Variants in CD109 observed in about 807,000 individuals in gnomAD.
The protein encoded by CD109 is CD109 antigen.
In CD109, 149 loss-of-function variants were observed where a neutral mutation model predicts 165.8. The ratio of observed to expected loss-of-function variants is 0.90; its 90% CI spans 0.79 to 1.03. The LOEUF (loss-of-function observed/expected upper bound fraction) is 1.03, where lower values mean the gene tolerates loss of function less well. CD109 is among the 50% of genes least tolerant of loss of function. CD109 has a pLI of 0.00. For missense variants in CD109, 1,712 were observed against 1,677.8 expected (o/e 1.02, Z -0.36); for synonymous variants, 585 against 592.1 (o/e 0.99, Z 0.18).
rs770058226 is a variant in CD109, at chr6:73,736,519, A to G, written c.633+11A>G. On this transcript the variant is annotated intron_variant, in intron 5 of 32. Transcript: ENST00000287097. ...CAAGTTCAAGTGAATGTGAGTATAA[A>G]TATATTTTTTGGGGGGAATGTTAAA... The G allele has an allele frequency of 6.2e-7, 1 of 1,603,832 alleles. No homozygotes were observed. Among genetic ancestry groups the G allele is most frequent in the Non-Finnish European group, 8.5e-7 (1 of 1,175,940 alleles).
intron 7 of CD109, among the ~76,000 whole-genome samples, chr6:73,759,877 T>A (rs925164771): frequency 3.3e-5 from 5 of 152,106 alleles, no homozygotes; most frequent in African/African-American, 1.2e-4. Context: ...TTTGGAAGTG[T>A]GGTGCATTTG....
At chr6:73,774,387 C>A (rs1562060125) in intron 15 of CD109, among the ~76,000 whole-genome samples, 1 of 152,164 alleles carries the variant, frequency 6.6e-6, no homozygotes. Flanking sequence ...TTGATCCTTT[C>A]TGCTGCTTGC....
intron 24 of CD109, among the ~76,000 whole-genome samples, chr6:73,806,426 G>A (rs1430751056): frequency 6.6e-6 from 1 of 152,110 alleles, no homozygotes; most frequent in Non-Finnish European, 1.5e-5. Context: ...ACGCGTTAAT[G>A]GGTGCAGCAC....
At chr6:73,743,245 C>G (rs1772858731) in intron 5 of CD109, among the ~76,000 whole-genome samples, 1 of 152,162 alleles carries the variant, frequency 6.6e-6, no homozygotes, top group Non-Finnish European at 1.5e-5. Context: ...ACTTGATAAT[C>G]ATCTTTTCTA....
At chr6:73,775,752 A>T (rs959831400) in intron 15 of CD109, among the ~76,000 whole-genome samples, 2 of 152,102 alleles carry the variant, frequency 1.3e-5, no homozygotes, top group African/African-American at 4.8e-5. Flanking sequence ...ACTCCCACTT[A>T]TAAGTGAGAA....
At chr6:73,779,733 A>G (rs148610551) in intron 15 of CD109, among the ~76,000 whole-genome samples, 2,029 of 152,036 alleles carry the variant, frequency 0.013, 24 homozygotes, top group Middle Eastern at 0.085. Flanking sequence ...CCTTTTGTGT[A>G]TATACCTAGG....
chr6:73,778,660 T>A (rs1328961617), intron 15 of CD109, among the ~76,000 whole-genome samples: 1 of 152,092 alleles, frequency 6.6e-6, no homozygotes, highest in African/African-American at 2.4e-5. Flanking sequence ...ACATTATGAA[T>A]TTTTTTTCTT....
chr6:73,684,345 A>G, the CD109 span, among the ~76,000 whole-genome samples: 1 of 151,034 alleles, frequency 6.6e-6, no homozygotes, highest in Non-Finnish European at 1.5e-5. Context: ...TCAATCTCCC[A>G]AGTAGCTGGG....
intron 2 of CD109, among the ~76,000 whole-genome samples, chr6:73,705,820 C>T (rs1013234997): frequency 2.0e-5 from 3 of 152,068 alleles, no homozygotes; most frequent in Non-Finnish European, 4.4e-5. Context: ...AAGTAAATGG[C>T]TTTAAGTTGA....
In CD109 at chr6:73,699,175, A is replaced by C. The variant is rs139913501; in HGVS notation, c.247+1603A>C. Among the ~76,000 whole-genome samples, 293 of 152,296 alleles carry C rather than the reference A, an allele frequency of 1.9e-3. 3 individuals carry two copies. The highest frequency in any genetic ancestry group is 6.7e-3 in the African/African-American group (279 of 41,554). On this transcript the variant is annotated intron_variant, in intron 2 of 32. Coordinates refer to ENST00000287097, the MANE Select transcript of CD109 (RefSeq NM_133493.5). ...ATTAAATCACAGGACATAATACTTA[A>C]GGTAGTTCCACATTCATTATTTATT...
At chr6:73,751,627 C>A (rs1773191821) in intron 5 of CD109, among the ~76,000 whole-genome samples, 2 of 152,060 alleles carry the variant, frequency 1.3e-5, no homozygotes, top group Non-Finnish European at 2.9e-5. Flanking sequence ...AATATTATAC[C>A]CTTTAGAGTT....
chr6:73,721,792 A>G (rs12665364), intron 2 of CD109, among the ~76,000 whole-genome samples: 8,401 of 152,152 alleles, frequency 0.055, 254 homozygotes, highest in Middle Eastern at 0.1. Flanking sequence ...GCTGTAGTGC[A>G]GTGATGTGAT....
intron 15 of CD109, among the ~76,000 whole-genome samples, chr6:73,779,385 A>T (rs1774385120): frequency 6.6e-6 from 1 of 151,504 alleles, no homozygotes; most frequent in South Asian, 2.1e-4. Flanking sequence ...AGTAGTTGGG[A>T]CTACAGGCGC....
At position 73,815,012 on chromosome 6, in the gene CD109, G is replaced by C; in HGVS notation, c.3800G>C (p.Gly1267Ala). 6.3e-7 allele frequency: 1 copy of C among 1,574,908 alleles called. No individual in the cohort carries two copies. The highest frequency in any genetic ancestry group is 2.3e-5 in the East Asian group (1 of 42,994). Residue 1267 changes from glycine to alanine, a missense_variant, in exon 30 of 33, where the codon GGG becomes GCG. Physicochemically the swap from Gly to Ala is moderately conservative, Grantham distance 60. Transcript: ENST00000287097. ...GTTGTATATAATGTGAAGGCTTCTG[G>C]GTCTTCTAGAAGACGAAGATCTATC... ...LNVVYNVKAS[G>A]SSRRRRSIQN...
At chr6:73,800,018 AT>A (rs376074654) in intron 23 of CD109, among the ~76,000 whole-genome samples, 10 of 148,920 alleles carry the variant, frequency 6.7e-5, no homozygotes, top group Non-Finnish European at 9.0e-5. Context: ...CACCATGCTA[AT>A]TTTTTTTTTG....
chr6:73,820,691 G>T, intron 32 of CD109, 128 bp downstream of exon 32: 1 of 520,660 alleles, frequency 1.9e-6, no homozygotes, highest in Non-Finnish European at 3.4e-6. Context: ...AGTACAGGAG[G>T]CGGGGGGGCA....
intron 16 of CD109, among the ~76,000 whole-genome samples, chr6:73,780,983 TGA>T (rs10538135): frequency 0.38 from 55,017 of 144,436 alleles, 11,164 homozygotes; most frequent in African/African-American, 0.47. Context: ...TGTGTGTGTT[TGA>T]GAGAGATCGA....
At chr6:73,727,212 C>G (rs1772172152) in intron 3 of CD109, among the ~76,000 whole-genome samples, 1 of 152,170 alleles carries the variant, frequency 6.6e-6, no homozygotes, top group African/African-American at 2.4e-5. Flanking sequence ...TATGCGCCCC[C>G]ATTGTTAACC....
In CD109 at chr6:73,762,905, G is replaced by A. The variant is rs753752530; in HGVS notation, c.997+23G>A. 7.0e-6 allele frequency: 11 copies of A among 1,581,954 alleles called. No individual in the cohort carries two copies. The South Asian group carries it at 1.2e-4, about 17-fold the overall frequency. ...CAGGTTTGTAGACTTTAAAGTGGAGGTAAAACTATTCATGTGACACTGCTT... is the reference window on the plus strand; with the variant it reads ...CAGGTTTGTAGACTTTAAAGTGGAGATAAAACTATTCATGTGACACTGCTT... On this transcript the variant is annotated intron_variant, in intron 9 of 32. Transcript: ENST00000287097.
Sources: gnomAD v4.1 joint callset for allele counts (sites outside exome capture counted in the v4.1 genomes callset) on GRCh38, gnomAD v4.1.1 for gene constraint, MANE v1.5 for transcripts, NCBI Gene and HGNC (gene_info 2026-07-23, HGNC 2026-07-21) for gene names.